Variants in KIF13B observed in about 807,000 individuals in gnomAD.
The protein encoded by KIF13B is kinesin family member 13B, also known as kinesin-like protein KIF13B.
KIF13B carries 127 observed loss-of-function variants against 222.0 expected under a neutral mutation model. The ratio of observed to expected loss-of-function variants is 0.57; its 90% CI spans 0.50 to 0.66. The LOEUF is 0.66. KIF13B is among the 30% of genes least tolerant of loss of function. KIF13B has a pLI of 0.00. For synonymous variants in KIF13B, 976 were observed against 919.0 expected (o/e 1.06, Z -1.12); for missense variants, 2,173 against 2,379.0 (o/e 0.91, Z 1.80).
intron 1 of KIF13B, among the ~76,000 whole-genome samples, chr8:29,246,422 T>C (rs1238246692): frequency 1.3e-5 from 2 of 148,348 alleles, no homozygotes; most frequent in African/African-American, 2.5e-5. Flanking sequence ...TAGGTACAAC[T>C]GTGATATATC....
At chr8:29,117,056 T>G in intron 30 of KIF13B, 49 bp from the exon 31 acceptor site, 1 of 1,492,416 alleles carries the variant, frequency 6.7e-7, no homozygotes, top group African/African-American at 1.4e-5. Context: ...TCCAGAAACA[T>G]GAAAACTCTT....
intron 21 of KIF13B, among the ~76,000 whole-genome samples, chr8:29,138,834 GC>G (rs1162921966): frequency 6.6e-6 from 1 of 152,122 alleles, no homozygotes; most frequent in Non-Finnish European, 1.5e-5. Context: ...GCATACCAGG[GC>G]CTAAAGACTG....
At chr8:29,238,394 T>C (rs542717434) in intron 2 of KIF13B, among the ~76,000 whole-genome samples, 2 of 152,320 alleles carry the variant, frequency 1.3e-5, no homozygotes, top group African/African-American at 4.8e-5. Context: ...AGGGTCAGAG[T>C]ACACTGAAGC....
chr8:29,075,217 T>C (rs375516838), intron 38 of KIF13B, 64 bp downstream of exon 38: 43 of 1,363,226 alleles, frequency 3.2e-5, no homozygotes, highest in East Asian at 2.5e-4. Context: ...GACTCAACAG[T>C]TTCGGCATCA....
At chr8:29,077,036 T>C (rs1406262863) in intron 37 of KIF13B, among the ~76,000 whole-genome samples, 1 of 152,132 alleles carries the variant, frequency 6.6e-6, no homozygotes, top group Admixed American at 6.5e-5. Flanking sequence ...GAATGTGTAC[T>C]TTACACTGCA....
chr8:29,206,506 C>T (rs1453620084), intron 2 of KIF13B, among the ~76,000 whole-genome samples: 1 of 152,164 alleles, frequency 6.6e-6, no homozygotes, highest in Non-Finnish European at 1.5e-5. Context: ...AAAAGTTTCA[C>T]GACTACCTAT....
chr8:29,114,883 C>T (rs1053754220), intron 31 of KIF13B, among the ~76,000 whole-genome samples: 2 of 152,124 alleles, frequency 1.3e-5, no homozygotes, highest in African/African-American at 2.4e-5. Flanking sequence ...TGTCTAATTC[C>T]GAAATGGAAA....
In KIF13B at chr8:29,188,560, C is replaced by T. The variant is rs772875337; in HGVS notation, c.271G>A (p.Ala91Thr). 2 of 1,612,446 alleles carry T rather than the reference C, an allele frequency of 1.2e-6. No individual in the cohort carries two copies. Among genetic ancestry groups the T allele is most frequent in the South Asian group, 2.2e-5 (2 of 90,996 alleles). The change falls in exon 5 of 40, where the codon GCT (alanine) becomes ACT (threonine). Residue 91 changes from alanine (A) to threonine (T), a missense_variant. Physicochemically the swap from Ala to Thr is moderately conservative, Grantham distance 58 (BLOSUM62 0). This residue lies in a region of KIF13B where 1,480 missense variants were observed against 1,722.8 expected (regional missense o/e 0.86). Transcript: ENST00000524189. ...KCLGENILQN[A>T]FDGYNACIFA... ...ATACATGCATTGTAGCCATCAAAAG[C>T]ATTCTGCAGGATATTCTCTCCAAGG... is the stretch of plus-strand genomic sequence containing the variant.
intron 2 of KIF13B, among the ~76,000 whole-genome samples, chr8:29,221,194 C>A (rs375480890): frequency 4.6e-5 from 7 of 151,064 alleles, no homozygotes; most frequent in Admixed American, 4.6e-4. Flanking sequence ...CCTCCACCCC[C>A]CAGGTTCAAG....
chr8:29,103,108 G>A (rs970624241), intron 35 of KIF13B, among the ~76,000 whole-genome samples: 1 of 151,988 alleles, frequency 6.6e-6, no homozygotes, highest in Non-Finnish European at 1.5e-5. Context: ...CAGGCACGGT[G>A]GCGGGCGCCT....
At chr8:29,208,422 A>G (rs975295490) in intron 2 of KIF13B, among the ~76,000 whole-genome samples, 1 of 152,218 alleles carries the variant, frequency 6.6e-6, no homozygotes, top group South Asian at 2.1e-4. Flanking sequence ...AATAAAATGA[A>G]ATCTGTGGTC....
intron 8 of KIF13B, 46 bp downstream of exon 8, chr8:29,180,058 A>G (rs1276602712): frequency 1.2e-6 from 2 of 1,604,754 alleles, no homozygotes; most frequent in East Asian, 2.2e-5. Context: ...TAAAACCACA[A>G]TCCACTTTAG....
In KIF13B at chr8:29,116,949, C is replaced by T; in HGVS notation, c.3719G>A (p.Gly1240Asp). The change falls in exon 31 of 40, where the codon GGC (glycine) becomes GAC (aspartate). Residue 1240 changes from glycine (G) to aspartate (D), a missense_variant. This residue lies in a region of KIF13B where 1,480 missense variants were observed against 1,722.8 expected (regional missense o/e 0.86). Transcript: ENST00000524189. ...GAACAACCGCTCGTCCACGGGCGTG[C>T]CCCTGCTGAGCTGAGGGCAGCCATG... ...AVHGCPQLSR[G>D]TPVDERLFLI... 1 of 1,611,928 alleles carries T rather than the reference C, an allele frequency of 6.2e-7. No homozygotes were observed. Among genetic ancestry groups the T allele is most frequent in the Non-Finnish European group, 8.5e-7 (1 of 1,178,462 alleles).
At chr8:29,208,971 G>C (rs1586928386) in intron 2 of KIF13B, among the ~76,000 whole-genome samples, 1 of 152,146 alleles carries the variant, frequency 6.6e-6, no homozygotes, top group East Asian at 1.9e-4. Context: ...CAACTCCCTT[G>C]CTGGAGTGCA....
chr8:29,092,832 G>A lies in KIF13B; in HGVS notation c.4371C>T (p.Phe1457=), dbSNP rs775884382. 13 of 1,612,692 alleles carry A rather than the reference G, an allele frequency of 8.1e-6. No individual in the cohort carries two copies. The highest frequency in any genetic ancestry group is 6.6e-5 in the South Asian group (6 of 90,668). ...AASYLNPVKS[F]VPQMPKLLKS... is the part of the protein sequence containing the mutation. The stretch of plus-strand genomic sequence containing the variant: ...TGAGGAGCTTTGGCATTTGCGGCAC[G>A]AAGGATTTGACAGGATTCAAGTAGG... Residue 1457 remains phenylalanine, a synonymous_variant, in exon 37 of 40, where the codon TTC becomes TTT. Transcript: ENST00000524189.
intron 1 of KIF13B, among the ~76,000 whole-genome samples, chr8:29,255,808 G>A (rs572112363): frequency 4.6e-5 from 7 of 152,046 alleles, no homozygotes; most frequent in Non-Finnish European, 8.8e-5. Context: ...TGTTAATCAC[G>A]CGGCCATTCC....
chr8:29,108,669 G>A (rs901056687), intron 34 of KIF13B, among the ~76,000 whole-genome samples: 1 of 152,164 alleles, frequency 6.6e-6, no homozygotes, highest in Non-Finnish European at 1.5e-5. Flanking sequence ...GACGTTATCC[G>A]CCTTGAGTTA....
chr8:29,139,403 C>T (rs1298318639), intron 21 of KIF13B, among the ~76,000 whole-genome samples: 1 of 152,166 alleles, frequency 6.6e-6, no homozygotes, highest in Admixed American at 6.5e-5. Flanking sequence ...CCGATCATCA[C>T]ATGACTCAAA....
intron 2 of KIF13B, among the ~76,000 whole-genome samples, chr8:29,244,537 A>C (rs1019683420): frequency 1.3e-5 from 2 of 152,192 alleles, no homozygotes; most frequent in African/African-American, 4.8e-5. Context: ...CTACATTGCC[A>C]ATCAACAACT....
Sources: allele counts gnomAD v4.1 joint callset (sites outside exome capture counted in the v4.1 genomes callset), GRCh38; gene constraint gnomAD v4.1.1; regional missense constraint gnomAD v4.1.1; transcripts MANE v1.5; gene names NCBI Gene and HGNC (gene_info 2026-07-23, HGNC 2026-07-21).